Variants in PCDHGA8 observed in about 807,000 individuals in gnomAD.
The protein encoded by PCDHGA8 is protocadherin gamma subfamily A, 8.
In PCDHGA8, 45 loss-of-function variants were observed where a neutral mutation model predicts 59.2. The ratio of observed to expected loss-of-function variants is 0.76; its 90% CI spans 0.60 to 0.98. The LOEUF is 0.98. Among genes scored for constraint, PCDHGA8 ranks in the 50% least tolerant of loss-of-function variants. The probability of loss-of-function intolerance (pLI) is 0.00; values close to 1 mark genes in which losing one functional copy is unlikely to be tolerated. For synonymous variants in PCDHGA8, 531 were observed against 519.0 expected, an observed-to-expected ratio of 1.02 and a Z score of -0.32; for missense variants, 1,257 against 1,196.2, an observed-to-expected ratio of 1.05 and a Z score of -0.75.
intron 1 of PCDHGA8, among the ~76,000 whole-genome samples, chr5:141,438,633 T>C (rs1222106413): frequency 2.9e-5 from 1 of 34,046 alleles, no homozygotes; most frequent in Non-Finnish European, 5.1e-5. Context: ...TATATATATA[T>C]ATACACACAC....
At position 141,423,386 on chromosome 5, in the gene PCDHGA8, G is replaced by C; in HGVS notation, c.2424+28149G>C. ...CTGCTGGCACTCAGGCTGTGGCGCT[G>C]GCATAAGTCACGCCTGCTGCAGGCT... On this transcript the variant is annotated intron_variant, in intron 1 of 3. Transcript: ENST00000398604. The C allele has an allele frequency of 1.9e-6, 3 of 1,614,160 alleles. No homozygotes were observed. The South Asian group carries it at 3.3e-5, about 18-fold the overall frequency.
At chr5:141,401,079 C>T (rs1245954946) in intron 1 of PCDHGA8, among the ~76,000 whole-genome samples, 16 of 152,196 alleles carry the variant, frequency 1.1e-4, no homozygotes, top group Admixed American at 1.0e-3. Flanking sequence ...TGCAGTGGCT[C>T]ATGCCTGTAA....
At chr5:141,415,165 C>T (rs1410806560) in intron 1 of PCDHGA8, 10 of 1,613,746 alleles carry the variant, frequency 6.2e-6, no homozygotes, top group Non-Finnish European at 8.5e-6. Context: ...CACTGTCACG[C>T]TCACCGTGGC....
At position 141,431,052 on chromosome 5, in the gene PCDHGA8, G is replaced by T. The variant is rs148326556; in HGVS notation, c.2424+35815G>T. 7.4e-6 allele frequency: 12 copies of T among 1,614,110 alleles called. No homozygotes were observed. The African/African-American group carries it at 1.6e-4, about 22-fold the overall frequency. On this transcript the variant is annotated intron_variant, in intron 1 of 3. Coordinates refer to ENST00000398604, the MANE Select transcript of PCDHGA8 (RefSeq NM_032088.2). The surrounding 1 kb of genome is among the most constrained non-coding windows in gnomAD (Gnocchi z 4.8). ...ATAGACCGGGAGGAGCTCTGTATGG[G>T]GGCCATCAAGTGTCAATTAAATCTA...
chr5:141,483,869 G>A (rs2099587910), intron 1 of PCDHGA8, among the ~76,000 whole-genome samples: 1 of 152,126 alleles, frequency 6.6e-6, no homozygotes, highest in South Asian at 2.1e-4. Flanking sequence ...GTCCAGATCA[G>A]GATGGATTTT....
chr5:141,409,508 A>G, intron 1 of PCDHGA8: 2 of 1,614,022 alleles, frequency 1.2e-6, no homozygotes, highest in Non-Finnish European at 1.7e-6. Context: ...TTCTTCCAGT[A>G]GAAGCATCAC....
At chr5:141,433,044 A>T in intron 1 of PCDHGA8, 2 of 1,613,972 alleles carry the variant, frequency 1.2e-6, no homozygotes, top group Non-Finnish European at 8.5e-7. Flanking sequence ...CTCACCACGG[A>T]CTCGCGGAAG....
intron 1 of PCDHGA8, among the ~76,000 whole-genome samples, chr5:141,452,267 G>C (rs995249228): frequency 1.3e-5 from 2 of 151,882 alleles, no homozygotes; most frequent in Non-Finnish European, 2.9e-5. Context: ...TCATTTTCTT[G>C]AACCCTTTCT....
chr5:141,415,078 G>C, intron 1 of PCDHGA8: 1 of 1,613,494 alleles, frequency 6.2e-7, no homozygotes, highest in Non-Finnish European at 8.5e-7. Context: ...CACGGCGCGA[G>C]CCCTGCTGGA....
At position 141,408,540 on chromosome 5, in the gene PCDHGA8, C is replaced by T. The variant is rs201370009; in HGVS notation, c.2424+13303C>T. On this transcript the variant is annotated intron_variant, in intron 1 of 3. Transcript: ENST00000398604. ...CAATTGGAAGCTGTGGTGGAAAATCCTTTAAATATTTTTCATGTCATTGTG... is the reference window on the plus strand; with the variant it reads ...CAATTGGAAGCTGTGGTGGAAAATCTTTTAAATATTTTTCATGTCATTGTG... The T allele has an allele frequency of 1.6e-3, 2,593 of 1,614,046 alleles. 3 individuals are homozygous for T. Among genetic ancestry groups the T allele is most frequent in the Middle Eastern group, 4.5e-3 (27 of 6,062 alleles).
In PCDHGA8 at chr5:141,485,051, CCGAACCGCG is replaced by C. The variant is rs2099605816; in HGVS notation, c.2425-9754_2425-9746del. On this transcript the variant is annotated intron_variant, in intron 1 of 3. Coordinates refer to ENST00000398604, the MANE Select transcript of PCDHGA8 (RefSeq NM_032088.2). This position sits in a 1 kb window ranked among gnomAD's most constrained non-coding sequence, Gnocchi z 5.7. ...CGGCGCGTAACCCTTGCGGCGCCGG[CCGAACCGCG>C]CCAGAGCTGGCGCGGGGAAAGGGAG... 1.2e-6 allele frequency: 1 copy of C among 801,304 alleles called. No individual in the cohort carries two copies. Among genetic ancestry groups the C allele is most frequent in the East Asian group, 2.5e-5 (1 of 40,224 alleles). 49.6% of individuals were successfully genotyped at this position (801,304 alleles called of 1,614,324 possible). A position where few individuals can be genotyped will look rare whatever the true frequency, so the allele number is the denominator to read the frequency against.
intron 1 of PCDHGA8, chr5:141,409,179 G>T (rs761754962): frequency 1.2e-5 from 20 of 1,613,988 alleles, no homozygotes; most frequent in Non-Finnish European, 1.6e-5. Context: ...GACGGAGGTG[G>T]TCTCTCTACC....
At chr5:141,468,841 G>C (rs1189145481) in intron 1 of PCDHGA8, among the ~76,000 whole-genome samples, 3 of 152,014 alleles carry the variant, frequency 2.0e-5, no homozygotes, top group Non-Finnish European at 4.4e-5. Flanking sequence ...ACTCCAGCCT[G>C]GGCAACAGAG....
chr5:141,410,849 C>G, intron 1 of PCDHGA8: 1 of 136,716 alleles, frequency 7.3e-6, no homozygotes, highest in Non-Finnish European at 1.2e-5. Flanking sequence ...TTGTCTTTGT[C>G]TTTTTTTTTT....
Position 141,394,739 on chromosome 5 carries a change from C to A in PCDHGA8, c.1926C>A (p.Leu642=), listed in dbSNP as rs377359689. 7.4e-6 allele frequency: 12 copies of A among 1,613,272 alleles called. No individual in the cohort carries two copies. In the African/African-American group the frequency reaches 1.2e-4, roughly 16 times the overall value. ...LLDRDALKQS[L]VVAVQDHGQP... is the part of the protein sequence containing the mutation. ...ACAGAGATGCGCTCAAGCAGAGCCT[C>A]GTGGTGGCCGTCCAGGACCATGGCC... The change falls in exon 1 of 4, where the codon CTC becomes CTA. Residue 642 remains leucine (L), a synonymous_variant. Coordinates refer to ENST00000398604, the MANE Select transcript of PCDHGA8 (RefSeq NM_032088.2).
chr5:141,495,028 G>C, intron 2 of PCDHGA8, 163 bp downstream of exon 2: 3 of 966,196 alleles, frequency 3.1e-6, no homozygotes, highest in Non-Finnish European at 3.7e-6. Flanking sequence ...CACAGACCCC[G>C]GAAGGAAGAG....
intron 1 of PCDHGA8, chr5:141,400,151 C>T: frequency 6.2e-7 from 1 of 1,614,086 alleles, no homozygotes; most frequent in Non-Finnish European, 8.5e-7. Context: ...ACTGACCGCC[C>T]TGTACCCTCT....
At chr5:141,421,678 G>T in intron 1 of PCDHGA8, 3 of 1,613,892 alleles carry the variant, frequency 1.9e-6, no homozygotes, top group Non-Finnish European at 2.5e-6. Context: ...AATTCCTGGG[G>T]CGCGATTTGC....
chr5:141,419,398 G>A (rs2096375486), intron 1 of PCDHGA8: 7 of 1,613,572 alleles, frequency 4.3e-6, no homozygotes, highest in Non-Finnish European at 5.1e-6. Flanking sequence ...AGAGCGGGGT[G>A]GTGTTCGCGC....
Sources: allele counts gnomAD v4.1 joint callset (sites outside exome capture counted in the v4.1 genomes callset), GRCh38; gene constraint gnomAD v4.1.1; non-coding constraint Gnocchi (gnomAD v3.1); transcripts MANE v1.5; gene names NCBI Gene and HGNC (gene_info 2026-07-23, HGNC 2026-07-21).